The following RNF144A variants were observed in gnomAD, a reference collection of about 807,000 sequenced individuals.
RNF144A encodes the protein ring finger protein 144A.
Under a neutral mutation model 38.7 loss-of-function variants are expected in RNF144A, and 11 were observed. The observed-to-expected ratio is 0.28, with a 90% CI of 0.18 to 0.47. The LOEUF (loss-of-function observed/expected upper bound fraction) is 0.47. Ranked by LOEUF, RNF144A falls within the 20% of genes least tolerant of loss-of-function variation. RNF144A has a pLI of 0.99. For missense variants in RNF144A, 316 were observed against 377.2 expected, an observed-to-expected ratio of 0.84 and a Z score of 1.34; for synonymous variants, 149 against 143.9, an observed-to-expected ratio of 1.04 and a Z score of -0.25.
rs1666767143 is a variant in RNF144A at position 6,952,730 on chromosome 2, A to G, written c.-12+11583A>G. On this transcript the variant is annotated intron_variant, in intron 2 of 8. Transcript: ENST00000320892. The stretch of plus-strand genomic sequence containing the variant: ...TATATACATATACACACACATATAT[A>G]TGTTTTAGAGCTGGAGTCTTACTAT... Among the ~76,000 whole-genome samples the G allele has an allele frequency of 2.0e-5, 3 of 151,922 alleles. No homozygotes were observed. The East Asian group carries it at 5.8e-4, about 29-fold the overall frequency.
chr2:6,930,741 G>A (rs1310337764), intron 1 of RNF144A, among the ~76,000 whole-genome samples: 1 of 151,994 alleles, frequency 6.6e-6, no homozygotes, highest in Non-Finnish European at 1.5e-5. Flanking sequence ...ACAGGTGTGT[G>A]CCACCACACC....
chr2:7,015,973 G>C (rs1413310743), intron 5 of RNF144A, among the ~76,000 whole-genome samples: 1 of 152,026 alleles, frequency 6.6e-6, no homozygotes, highest in African/African-American at 2.4e-5. Context: ...TGCATGCAGA[G>C]ACCTGTTGTT....
At chr2:7,058,496 T>TAG (rs1673829944) in intron 6 of RNF144A, among the ~76,000 whole-genome samples, 1 of 152,208 alleles carries the variant, frequency 6.6e-6, no homozygotes, top group Non-Finnish European at 1.5e-5. Context: ...TCTCCATCTA[T>TAG]ATCCATTCAT....
Position 6,932,025 on chromosome 2 carries a change from G to A in RNF144A, c.-211-8923G>A, listed in dbSNP as rs1314162753. 3.3e-5 allele frequency among the ~76,000 whole-genome samples: 5 copies of A among 152,172 alleles called. No homozygotes were observed. In the South Asian group the frequency reaches 8.3e-4, roughly 25 times the overall value. ...TGATAAAGGGGTGTTAAAGTCTACA[G>A]CTATTAGTAGTGGATTTGTCTGTTT... On this transcript the variant is annotated intron_variant, in intron 1 of 8. Transcript: ENST00000320892.
At chr2:6,986,246 C>T (rs1668955974) in intron 2 of RNF144A, among the ~76,000 whole-genome samples, 1 of 152,004 alleles carries the variant, frequency 6.6e-6, no homozygotes, top group Non-Finnish European at 1.5e-5. Context: ...TGCAATAAAA[C>T]CCGGTTTTTT....
rs1443462124 is a variant in RNF144A, at chr2:7,040,698, A to G, written c.*938A>G. ...TGGCCTCAGTCTTCAGATAGACAGT[A>G]AGAAGAAAGCAGCCTCATTGATCCG... On this transcript the variant is annotated 3_prime_UTR_variant, in exon 9 of 9. Transcript: ENST00000320892. 6.1e-6 allele frequency: 6 copies of G among 985,362 alleles called. No individual in the cohort carries two copies. In the East Asian group the frequency reaches 6.8e-4, roughly 112 times the overall value. The allele number at this position is 985,362 out of a possible 1,614,324, so 61.0% of individuals were successfully genotyped here. A position where few individuals can be genotyped will look rare whatever the true frequency, so the allele number is the denominator to read the frequency against.
intron 7 of RNF144A, 25 bp from the exon 8 acceptor site, chr2:7,030,101 C>T: frequency 1.3e-6 from 2 of 1,536,422 alleles, no homozygotes; most frequent in Non-Finnish European, 1.8e-6. Context: ...CTCGTTCATG[C>T]CGTCTCTGTC....
At chr2:6,929,086 AGTATT>A (rs1231640198) in intron 1 of RNF144A, among the ~76,000 whole-genome samples, 1 of 152,228 alleles carries the variant, frequency 6.6e-6, no homozygotes, top group African/African-American at 2.4e-5. Flanking sequence ...TTAGCTCTAG[AGTATT>A]AAAAAAAATA....
chr2:6,949,492 A>G (rs1572247562), intron 2 of RNF144A, among the ~76,000 whole-genome samples: 1 of 151,664 alleles, frequency 6.6e-6, no homozygotes, highest in South Asian at 2.1e-4. Flanking sequence ...AGGTTCTTAC[A>G]TAGGACAGGA....
intron 2 of RNF144A, among the ~76,000 whole-genome samples, chr2:6,967,156 C>G (rs955861780): frequency 2.6e-5 from 4 of 152,134 alleles, no homozygotes; most frequent in African/African-American, 9.7e-5. Context: ...CCATGGTCAC[C>G]CGCCGAGTCA....
At chr2:7,058,923 T>C (rs2103478120) in intron 6 of RNF144A, among the ~76,000 whole-genome samples, 2 of 152,292 alleles carry the variant, frequency 1.3e-5, no homozygotes, top group Middle Eastern at 3.4e-3. Flanking sequence ...ATCACCTGTA[T>C]GTATGCAGGT....
intron 2 of RNF144A, among the ~76,000 whole-genome samples, chr2:6,987,094 T>C (rs530528666): frequency 6.6e-6 from 1 of 152,246 alleles, no homozygotes; most frequent in South Asian, 2.1e-4. Context: ...CCGGCCATGA[T>C]GTTGAAGCCA....
chr2:7,053,406 C>T (rs1416668927), intron 6 of RNF144A, among the ~76,000 whole-genome samples: 1 of 152,240 alleles, frequency 6.6e-6, no homozygotes, highest in Non-Finnish European at 1.5e-5. Flanking sequence ...GTTCTCTACT[C>T]AGGGTCTCAC....
At chr2:6,922,331 A>G (rs1246725786) in intron 1 of RNF144A, among the ~76,000 whole-genome samples, 28 of 152,212 alleles carry the variant, frequency 1.8e-4, no homozygotes, top group Admixed American at 1.8e-3. Context: ...CTGTGGGAGC[A>G]AAAGGGAAGG....
chr2:6,923,691 T>C (rs1387009528), intron 1 of RNF144A, among the ~76,000 whole-genome samples: 1 of 152,042 alleles, frequency 6.6e-6, no homozygotes, highest in Non-Finnish European at 1.5e-5. Flanking sequence ...TGGGACGGAG[T>C]TAAAGCTCCA....
In RNF144A at chr2:6,927,089, G is replaced by A. The variant is rs958573617; in HGVS notation, c.-212+9467G>A. On this transcript the variant is annotated intron_variant, in intron 1 of 8. Transcript: ENST00000320892. ...ATAGTAAGCCCTGTTGGTCCCGTGA[G>A]ATTGCCTGCTCTTCACGTCTCCTGT... Among the ~76,000 whole-genome samples, 9 of 152,326 alleles carry A rather than the reference G, an allele frequency of 5.9e-5. No homozygotes were observed. In the East Asian group the frequency reaches 1.5e-3, roughly 26 times the overall value.
intron 6 of RNF144A, among the ~76,000 whole-genome samples, chr2:7,060,391 C>T (rs1045968949): frequency 2.0e-5 from 3 of 152,080 alleles, no homozygotes; most frequent in Non-Finnish European, 4.4e-5. Context: ...CTGTCTGTTG[C>T]CTCTGTGTGG....
chr2:7,000,872 A>G (rs1265714940), intron 3 of RNF144A, among the ~76,000 whole-genome samples: 9 of 150,812 alleles, frequency 6.0e-5, no homozygotes, highest in African/African-American at 2.2e-4. Context: ...ATATATATAT[A>G]TATAATTTTT....
chr2:6,938,281 CT>C (rs1483017886), intron 1 of RNF144A, among the ~76,000 whole-genome samples: 1 of 125,232 alleles, frequency 8.0e-6, no homozygotes, highest in Non-Finnish European at 1.6e-5. Context: ...GAGTTTCGCT[CT>C]TGTTGCCCAG....
Sources: gnomAD v4.1 joint callset for allele counts (sites outside exome capture counted in the v4.1 genomes callset) on GRCh38, gnomAD v4.1.1 for gene constraint, MANE v1.5 for transcripts, NCBI Gene and HGNC (gene_info 2026-07-23, HGNC 2026-07-21) for gene names.